The following ZNF385D variants were observed in gnomAD, a reference collection of about 807,000 sequenced individuals.
ZNF385D encodes zinc finger protein 659.
ZNF385D carries 15 observed loss-of-function variants against 35.8 expected under a neutral mutation model. The observed-to-expected ratio is 0.42, with a 90% confidence interval of 0.28 to 0.64. The LOEUF (loss-of-function observed/expected upper bound fraction) is 0.64. ZNF385D is among the 30% of genes least tolerant of loss of function. The probability of loss-of-function intolerance (pLI) is 0.23; values close to 1 mark genes in which losing one functional copy is unlikely to be tolerated. For synonymous variants in ZNF385D, 212 were observed against 186.8 expected (o/e 1.13, Z -1.10); for missense variants, 474 against 494.6 (o/e 0.96, Z 0.39).
intron 3 of ZNF385D, among the ~76,000 whole-genome samples, chr3:21,760,210 T>C (rs2070540063): frequency 6.6e-6 from 1 of 152,180 alleles, no homozygotes; most frequent in Non-Finnish European, 1.5e-5. Flanking sequence ...CACCCTTGAC[T>C]CAAAAGTGTC....
upstream of ZNF385D, among the ~76,000 whole-genome samples, chr3:21,753,437 A>G (rs577544698): frequency 6.6e-6 from 1 of 152,326 alleles, no homozygotes; most frequent in South Asian, 2.1e-4. Flanking sequence ...GCATCTGGTA[A>G]TAGAACATGC....
chr3:22,286,947 T>G (rs892286367), intron 2 of ZNF385D, among the ~76,000 whole-genome samples: 1 of 152,082 alleles, frequency 6.6e-6, no homozygotes, highest in Non-Finnish European at 1.5e-5. Flanking sequence ...TCTGTGAGGA[T>G]AATCTAACCA....
At chr3:22,008,160 C>T (rs892798237) in intron 3 of ZNF385D, among the ~76,000 whole-genome samples, 3 of 151,778 alleles carry the variant, frequency 2.0e-5, no homozygotes, top group Non-Finnish European at 4.4e-5. Context: ...GTGTTGGAAC[C>T]GAAGCTCCTC....
intron 2 of ZNF385D, among the ~76,000 whole-genome samples, chr3:21,604,749 G>T (rs557368579): frequency 2.0e-3 from 311 of 152,248 alleles, no homozygotes; most frequent in Non-Finnish European, 3.6e-3. Flanking sequence ...TGAGTAGGTG[G>T]TAAGGAAATG....
chr3:21,843,341 C>T (rs1011384669), intron 3 of ZNF385D, among the ~76,000 whole-genome samples: 2 of 151,892 alleles, frequency 1.3e-5, no homozygotes, highest in African/African-American at 2.4e-5. Context: ...AAGAAGGTCA[C>T]CAATGTGACA....
rs368934275 is a variant in ZNF385D, at chr3:21,862,331, T to C, written c.326-197303A>G. Among the ~76,000 whole-genome samples the C allele has an allele frequency of 6.6e-5, 10 of 151,466 alleles. No homozygotes were observed. In the East Asian group the frequency reaches 1.8e-3, roughly 27 times the overall value. ...TTAATCAAGCTCAGGTTAAGAAATA[T>C]GCAGTAAGTATAACACCTTTGAAAC... On this transcript the variant is annotated intron_variant, in intron 3 of 5. Coordinates refer to the ZNF385D transcript ENST00000494108.
intron 2 of ZNF385D, among the ~76,000 whole-genome samples, chr3:21,578,882 T>A (rs1439332912): frequency 6.6e-6 from 1 of 152,236 alleles, no homozygotes; most frequent in Non-Finnish European, 1.5e-5. Context: ...TCATTGGTAT[T>A]TTGATAAGGA....
intron 2 of ZNF385D, among the ~76,000 whole-genome samples, chr3:21,604,568 C>G (rs1479256277): frequency 6.6e-6 from 1 of 152,014 alleles, no homozygotes; most frequent in Non-Finnish European, 1.5e-5. Flanking sequence ...GTTCCAGAGG[C>G]CACAGACAAA....
At chr3:22,296,557 G>A (rs1702590522) in intron 2 of ZNF385D, among the ~76,000 whole-genome samples, 1 of 152,114 alleles carries the variant, frequency 6.6e-6, no homozygotes, top group South Asian at 2.1e-4. Context: ...CCTATGAAAG[G>A]AAAGGAGGTA....
At chr3:22,194,401 G>T (rs1696266143) in intron 2 of ZNF385D, among the ~76,000 whole-genome samples, 1 of 151,644 alleles carries the variant, frequency 6.6e-6, no homozygotes, top group Non-Finnish European at 1.5e-5. Context: ...GCATAATATA[G>T]AGTTAGTCCT....
At chr3:21,821,906 C>G (rs1694259003) in intron 3 of ZNF385D, among the ~76,000 whole-genome samples, 1 of 144,338 alleles carries the variant, frequency 6.9e-6, no homozygotes, top group African/African-American at 2.6e-5. Flanking sequence ...GTTGAGGCTG[C>G]AGTGAGCCAT....
chr3:21,999,833 TG>T (rs1283295709), intron 3 of ZNF385D, among the ~76,000 whole-genome samples: 2 of 151,670 alleles, frequency 1.3e-5, no homozygotes, highest in Non-Finnish European at 2.9e-5. Flanking sequence ...GTGTGATATA[TG>T]GGACACCATA....
rs1306991996 is a variant in ZNF385D, at chr3:21,626,332, ATG to A, written c.165+38552_165+38553del. On this transcript the variant is annotated intron_variant, in intron 2 of 7. Transcript: ENST00000281523. ...GCTACTGTGCCAGAAACTATGCTAC[ATG>A]TGTTATCACAATCTTCGCAAAAAGT... Among the ~76,000 whole-genome samples, 8 of 152,216 alleles carry A rather than the reference ATG, an allele frequency of 5.3e-5. No individual in the cohort carries two copies. The East Asian group carries it at 1.5e-3, about 29-fold the overall frequency.
intron 2 of ZNF385D, among the ~76,000 whole-genome samples, chr3:22,279,535 TATATATGTATATACATATACATATGTAC>T: frequency 6.9e-6 from 1 of 144,184 alleles, no homozygotes; most frequent in Non-Finnish European, 1.5e-5. Flanking sequence ...CATATGTACA[TATATATGTATATACATATACATATGTAC>T]ATATATATGT....
rs185845863 is a variant in ZNF385D at position 21,470,732 on chromosome 3, A to G, written c.440-33529T>C. ...CTTCCTTCAGGCAGACGTGTCCTCT[A>G]GGTTTGACTACGGAGGCAAAATATA... On this transcript the variant is annotated intron_variant, in intron 4 of 7. Transcript: ENST00000281523. 2.4e-3 allele frequency among the ~76,000 whole-genome samples: 359 copies of G among 152,156 alleles called. 3 individuals are homozygous for G. The highest frequency in any genetic ancestry group is 8.3e-3 in the African/African-American group (345 of 41,528).
chr3:21,924,609 A>G (rs1700634251), intron 3 of ZNF385D, among the ~76,000 whole-genome samples: 8 of 152,066 alleles, frequency 5.3e-5, no homozygotes, highest in Admixed American at 5.2e-4. Flanking sequence ...TGTCTCCTGT[A>G]CCCTTTACTC....
intron 1 of ZNF385D, among the ~76,000 whole-genome samples, chr3:21,712,929 A>T (rs2068169524): frequency 6.6e-6 from 1 of 152,210 alleles, no homozygotes; most frequent in Admixed American, 6.5e-5. Context: ...GTCTCAACCC[A>T]TCACACACAC....
chr3:22,145,737 T>C (rs539065361), intron 3 of ZNF385D, among the ~76,000 whole-genome samples: 2 of 152,266 alleles, frequency 1.3e-5, no homozygotes, highest in East Asian at 3.9e-4. Flanking sequence ...GATTTAACTA[T>C]TCTGTATTTA....
At chr3:21,673,374 G>T (rs1359875166) in intron 1 of ZNF385D, among the ~76,000 whole-genome samples, 2 of 152,142 alleles carry the variant, frequency 1.3e-5, no homozygotes, top group African/African-American at 4.8e-5. Flanking sequence ...CACAGAAGGT[G>T]CTATTGGACA....
Sources: allele counts gnomAD v4.1 joint callset (sites outside exome capture counted in the v4.1 genomes callset), GRCh38; gene constraint gnomAD v4.1.1; transcripts MANE v1.5; gene names NCBI Gene and HGNC (gene_info 2026-07-23, HGNC 2026-07-21).